OR5H1: variants seen among roughly 807,000 people sequenced by gnomAD.
OR5H1 encodes olfactory receptor family 5 subfamily H member 1.
For synonymous variants in OR5H1, 124 were observed against 134.4 expected (o/e 0.92, Z 0.54); for missense variants, 378 against 366.8 (o/e 1.03, Z -0.25).
rs1708282014 is a variant in OR5H1 at position 98,133,392 on chromosome 3, A to C, written c.695A>C (p.Lys232Thr). 1 of 1,613,054 alleles carries C rather than the reference A, an allele frequency of 6.2e-7. No individual in the cohort carries two copies. Among genetic ancestry groups the C allele is most frequent in the African/African-American group, 1.3e-5 (1 of 74,672 alleles). Residue 232 changes from lysine (K) to threonine (T), a missense_variant, in exon 2 of 2, where the codon AAA (lysine) becomes ACA (threonine). Coordinates refer to ENST00000641874, the MANE Select transcript of OR5H1 (RefSeq NM_001005338.2). ...LFAILKKKSD[K>T]GVRKAFSTCG... ...GCAATCTTAAAAAAGAAATCTGATA[A>C]AGGTGTAAGGAAAGCCTTTTCCACC...
chr3:98,136,024 C>G lies in OR5H1; in HGVS notation c.*2385C>G, dbSNP rs901306716. The G allele has an allele frequency of 1.3e-5, 2 of 152,170 alleles. No homozygotes were observed. The highest frequency in any genetic ancestry group is 3.9e-4 in the East Asian group (2 of 5,186). The allele number at this position is 152,170 out of a possible 1,614,324, so 9.4% of individuals were successfully genotyped here. ...GAAGATTATCCTCTGACATTTATAT[C>G]AAGTTGTCCAGCCCTAGCTTGTAGC... is the stretch of plus-strand genomic sequence containing the variant. On this transcript the variant is annotated 3_prime_UTR_variant, in exon 2 of 2. Coordinates refer to ENST00000641874, the MANE Select transcript of OR5H1 (RefSeq NM_001005338.2).
Position 98,133,813 on chromosome 3 carries a change from T to C in OR5H1, c.*174T>C, listed in dbSNP as rs1450459395. 1.8e-6 allele frequency: 1 copy of C among 562,330 alleles called. No homozygotes were observed. The highest frequency in any genetic ancestry group is 3.1e-6 in the Non-Finnish European group (1 of 318,646). 34.8% of individuals were successfully genotyped at this position (562,330 alleles called of 1,614,324 possible). ...ATGTCTATATGTTATTCAAAAGCAT[T>C]CAAGAAATTTTCATACTGTTCATAA... is the stretch of plus-strand genomic sequence containing the variant. On this transcript the variant is annotated 3_prime_UTR_variant, in exon 2 of 2. Transcript: ENST00000641874.
Position 98,138,107 on chromosome 3 carries a change from G to C in OR5H1, c.*4468G>C, listed in dbSNP as rs1708340614. On this transcript the variant is annotated 3_prime_UTR_variant, in exon 2 of 2. Transcript: ENST00000641874. Reference sequence around the variant, plus strand: ...TCGATAGGCTAGCGTCTTAAAATCCGAGCTCGTCAGGTGCTCAACTTCTGT... The same window carrying C: ...TCGATAGGCTAGCGTCTTAAAATCCCAGCTCGTCAGGTGCTCAACTTCTGT... The C allele has an allele frequency of 6.6e-6, 1 of 151,854 alleles. No homozygotes were observed. Among genetic ancestry groups the C allele is most frequent in the Non-Finnish European group, 1.5e-5 (1 of 68,018 alleles). The allele number at this position is 151,854 out of a possible 1,614,324, so 9.4% of individuals were successfully genotyped here.
chr3:98,138,371 T>G lies in OR5H1; in HGVS notation c.*4732T>G, dbSNP rs1708343238. The G allele has an allele frequency of 6.6e-6, 1 of 152,226 alleles. No individual in the cohort carries two copies. Among genetic ancestry groups the G allele is most frequent in the Non-Finnish European group, 1.5e-5 (1 of 68,048 alleles). The allele number at this position is 152,226 out of a possible 1,614,324, so 9.4% of individuals were successfully genotyped here. On this transcript the variant is annotated 3_prime_UTR_variant, in exon 2 of 2. Coordinates refer to ENST00000641874, the MANE Select transcript of OR5H1 (RefSeq NM_001005338.2). Reference sequence around the variant, plus strand: ...TAGGTCAGGCAGGCCCAGGCCTGGTTTCGGGTCTGGTTCCTAGACGCCAGG... The same window carrying G: ...TAGGTCAGGCAGGCCCAGGCCTGGTGTCGGGTCTGGTTCCTAGACGCCAGG...
chr3:98,136,301 A>G lies in OR5H1; in HGVS notation c.*2662A>G, dbSNP rs754710786. The G allele has an allele frequency of 2.0e-5, 3 of 152,190 alleles. No homozygotes were observed. Among genetic ancestry groups the G allele is most frequent in the Non-Finnish European group, 4.4e-5 (3 of 68,030 alleles). The allele number at this position is 152,190 out of a possible 1,614,324, so 9.4% of individuals were successfully genotyped here. On this transcript the variant is annotated 3_prime_UTR_variant, in exon 2 of 2. Transcript: ENST00000641874. The stretch of plus-strand genomic sequence containing the variant: ...TAGGAATTGATCATCTCTTTTTAAG[A>G]AGGCCTCATTACGACCTTTACTAAA...
rs540774462 is a variant in OR5H1 at position 98,137,220 on chromosome 3, G to A, written c.*3581G>A. The A allele has an allele frequency of 1.3e-5, 2 of 152,132 alleles. No homozygotes were observed. Among genetic ancestry groups the A allele is most frequent in the South Asian group, 2.1e-4 (1 of 4,826 alleles). 9.4% of individuals were successfully genotyped at this position (152,132 alleles called of 1,614,324 possible). A position where few individuals can be genotyped will look rare whatever the true frequency, so the allele number is the denominator to read the frequency against. ...TGGAGAGGTCAGCTAAGGAGAAGAA[G>A]GTAAACGTATTAATTCTGTTTACAA... On this transcript the variant is annotated 3_prime_UTR_variant, in exon 2 of 2. Transcript: ENST00000641874.
rs1371333940 is a variant in OR5H1 at position 98,133,413 on chromosome 3, C to T, written c.716C>T (p.Ser239Phe). 2 of 1,613,224 alleles carry T rather than the reference C, an allele frequency of 1.2e-6. No homozygotes were observed. Among genetic ancestry groups the T allele is most frequent in the Non-Finnish European group, 8.5e-7 (1 of 1,179,486 alleles). The change falls in exon 2 of 2, where the codon TCC (serine) becomes TTC (phenylalanine). Residue 239 changes from serine to phenylalanine, a missense_variant. By Grantham distance (155) the Ser-to-Phe change is radical (BLOSUM62 -2). Transcript: ENST00000641874. ...KSDKGVRKAF[S>F]TCGAHLFSVS... ...GATAAAGGTGTAAGGAAAGCCTTTT[C>T]CACCTGTGGAGCCCATCTCTTCTCT...
Position 98,133,326 on chromosome 3 carries a change from G to C in OR5H1, c.629G>C (p.Ser210Thr). Residue 210 changes from serine (S) to threonine (T), a missense_variant, in exon 2 of 2, where the codon AGC (serine) becomes ACC (threonine). By Grantham distance (58) the Ser-to-Thr change is moderately conservative. Transcript: ENST00000641874. ...FIFSGSIQVF[S>T]IVTILVSYTF... ...TTCTCAGGTTCAATTCAGGTATTCA[G>C]CATTGTGACTATTCTTGTATCTTAT... 2 of 1,613,056 alleles carry C rather than the reference G, an allele frequency of 1.2e-6. No homozygotes were observed. The highest frequency in any genetic ancestry group is 8.5e-7 in the Non-Finnish European group (1 of 1,179,522).
At chr3:98,132,220 A>G (rs549151143) in intron 1 of OR5H1, among the ~76,000 whole-genome samples, 6 of 152,144 alleles carry the variant, frequency 3.9e-5, no homozygotes, top group African/African-American at 1.4e-4. Context: ...TATTTTCTAC[A>G]CTATCAAAAA....
chr3:98,133,662 A>T lies in OR5H1; in HGVS notation c.*23A>T. 5 of 1,558,062 alleles carry T rather than the reference A, an allele frequency of 3.2e-6. No homozygotes were observed. The South Asian group carries it at 5.8e-5, about 18-fold the overall frequency. ...TAATATCCTTTCTCTAATTACAAAA[A>T]TAGTCACAAAATTATGCAAGTTAGA... On this transcript the variant is annotated 3_prime_UTR_variant, in exon 2 of 2. Coordinates refer to ENST00000641874, the MANE Select transcript of OR5H1 (RefSeq NM_001005338.2).
chr3:98,133,298 A>T lies in OR5H1; in HGVS notation c.601A>T (p.Ile201Phe), dbSNP rs376324875. ...DSSINFLMVF[I>F]FSGSIQVFSI... ...TTCTATTAATTTTCTAATGGTTTTT[A>T]TTTTCTCAGGTTCAATTCAGGTATT... The change falls in exon 2 of 2, where the codon ATT becomes TTT. Residue 201 changes from isoleucine to phenylalanine, a missense_variant. By Grantham distance (21) the Ile-to-Phe change is conservative. Coordinates refer to ENST00000641874, the MANE Select transcript of OR5H1 (RefSeq NM_001005338.2). 2 of 1,612,440 alleles carry T rather than the reference A, an allele frequency of 1.2e-6. No homozygotes were observed. Among genetic ancestry groups the T allele is most frequent in the Non-Finnish European group, 8.5e-7 (1 of 1,179,214 alleles).
In OR5H1 at chr3:98,135,053, A is replaced by T. The variant is rs368536365; in HGVS notation, c.*1414A>T. On this transcript the variant is annotated 3_prime_UTR_variant, in exon 2 of 2. Transcript: ENST00000641874. ...TGATACAAGATATATATTAGTACTT[A>T]TATAGTTAAAATACAAATGTAGCAG... 4 of 152,274 alleles carry T rather than the reference A, an allele frequency of 2.6e-5. No homozygotes were observed. The South Asian group carries it at 6.2e-4, about 24-fold the overall frequency. The allele number at this position is 152,274 out of a possible 1,614,324, so 9.4% of individuals were successfully genotyped here. A position where few individuals can be genotyped will look rare whatever the true frequency, so the allele number is the denominator to read the frequency against.
rs1223276472 is a variant in OR5H1 at position 98,133,414 on chromosome 3, C to T, written c.717C>T (p.Ser239=). 2 of 1,613,254 alleles carry T rather than the reference C, an allele frequency of 1.2e-6. No homozygotes were observed. Among genetic ancestry groups the T allele is most frequent in the Non-Finnish European group, 8.5e-7 (1 of 1,179,580 alleles). The change falls in exon 2 of 2, where the codon TCC becomes TCT. Residue 239 remains serine (S), a synonymous_variant. Transcript: ENST00000641874. ...ATAAAGGTGTAAGGAAAGCCTTTTC[C>T]ACCTGTGGAGCCCATCTCTTCTCTG... ...KSDKGVRKAF[S]TCGAHLFSVS... is the part of the protein sequence containing the mutation.
Position 98,137,302 on chromosome 3 carries a change from G to T in OR5H1, c.*3663G>T, listed in dbSNP as rs1270301594. 1 of 152,130 alleles carries T rather than the reference G, an allele frequency of 6.6e-6. No homozygotes were observed. Among genetic ancestry groups the T allele is most frequent in the East Asian group, 1.9e-4 (1 of 5,186 alleles). 9.4% of individuals were successfully genotyped at this position (152,130 alleles called of 1,614,324 possible). On this transcript the variant is annotated 3_prime_UTR_variant, in exon 2 of 2. Transcript: ENST00000641874. ...TTCTTTAATTCTGGTCTCGTGTTGT[G>T]TTTCTAACGTTATCAGAAATCTTTA...
rs1486073505 is a variant in OR5H1, at chr3:98,135,392, C to T, written c.*1753C>T. 1 of 152,252 alleles carries T rather than the reference C, an allele frequency of 6.6e-6. No homozygotes were observed. The highest frequency in any genetic ancestry group is 1.9e-4 in the East Asian group (1 of 5,174). 9.4% of individuals were successfully genotyped at this position (152,252 alleles called of 1,614,324 possible). A position where few individuals can be genotyped will look rare whatever the true frequency, so the allele number is the denominator to read the frequency against. ...CAAACCCACTTTGCTGGACCCACGT[C>T]AGCCTGATATACTTTTATTTAATTA... On this transcript the variant is annotated 3_prime_UTR_variant, in exon 2 of 2. Transcript: ENST00000641874.
In OR5H1 at chr3:98,132,841, C is replaced by T. The variant is rs1303432891; in HGVS notation, c.144C>T (p.Val48=). Residue 48 remains valine, a synonymous_variant, in exon 2 of 2, where the codon GTC becomes GTT. Coordinates refer to ENST00000641874, the MANE Select transcript of OR5H1 (RefSeq NM_001005338.2). ...TIMGNLGLIA[V]IWKDPHLHIP... ...TGGGGAATCTTGGTCTGATTGCTGT[C>T]ATCTGGAAAGACCCTCACCTTCATA... 3.1e-6 allele frequency: 5 copies of T among 1,613,498 alleles called. No individual in the cohort carries two copies. The highest frequency in any genetic ancestry group is 1.7e-6 in the Non-Finnish European group (2 of 1,179,600).
At position 98,132,763 on chromosome 3, in the gene OR5H1, G is replaced by A. The variant is rs747851715; in HGVS notation, c.66G>A (p.Gln22=). The part of the protein sequence containing the change: ...FVLTGFLYQP[Q]WKIPLFLAFL... ...TCACAGGATTTTTATATCAACCACA[G>A]TGGAAAATACCCCTGTTCCTGGCAT... Residue 22 remains glutamine (Q), a synonymous_variant, in exon 2 of 2, where the codon CAG becomes CAA. Coordinates refer to ENST00000641874, the MANE Select transcript of OR5H1 (RefSeq NM_001005338.2). 2 of 1,613,272 alleles carry A rather than the reference G, an allele frequency of 1.2e-6. No individual in the cohort carries two copies. The highest frequency in any genetic ancestry group is 1.7e-6 in the Non-Finnish European group (2 of 1,179,516).
chr3:98,133,880 T>A lies in OR5H1; in HGVS notation c.*241T>A, dbSNP rs1708288233. ...GAAATCAAATAAAACTATTTAACAG[T>A]TGTATATGTTATTCAATGTGCATTT... On this transcript the variant is annotated 3_prime_UTR_variant, in exon 2 of 2. Coordinates refer to ENST00000641874, the MANE Select transcript of OR5H1 (RefSeq NM_001005338.2). 1.0e-5 allele frequency: 4 copies of A among 393,548 alleles called. No homozygotes were observed. The highest frequency in any genetic ancestry group is 1.8e-5 in the Non-Finnish European group (4 of 217,456). The allele number at this position is 393,548 out of a possible 1,614,324, so 24.4% of individuals were successfully genotyped here.
At position 98,137,699 on chromosome 3, in the gene OR5H1, T is replaced by TA. The variant is rs1451839952; in HGVS notation, c.*4067dup. The TA allele has an allele frequency of 2.0e-5, 3 of 152,260 alleles. No homozygotes were observed. Among genetic ancestry groups the TA allele is most frequent in the South Asian group, 2.1e-4 (1 of 4,822 alleles). The allele number at this position is 152,260 out of a possible 1,614,324, so 9.4% of individuals were successfully genotyped here. ...AGTGTATGTTCAGCAATTAGTCTTT[T>TA]AAAAAAATGTTGTTTGGAAATAATC... On this transcript the variant is annotated 3_prime_UTR_variant, in exon 2 of 2. Transcript: ENST00000641874.
Sources: gnomAD v4.1 joint callset for allele counts (sites outside exome capture counted in the v4.1 genomes callset) on GRCh38, gnomAD v4.1.1 for gene constraint, MANE v1.5 for transcripts, NCBI Gene and HGNC (gene_info 2026-07-23, HGNC 2026-07-21) for gene names.